Variants in CEP135 observed in about 807,000 individuals in gnomAD.
CEP135 encodes the protein centrosomal protein of 135 kDa.
A neutral mutation model predicts 157.3 loss-of-function variants in CEP135; 142 were observed. That is an observed-to-expected ratio of 0.90 (90% CI 0.79 to 1.04). The LOEUF is 1.04. Among genes scored for constraint, CEP135 ranks in the 50% least tolerant of loss-of-function variants. The pLI is 0.00. For synonymous variants in CEP135, 396 were observed against 439.8 expected (o/e 0.90, Z 1.25); for missense variants, 1,317 against 1,309.2 (o/e 1.01, Z -0.09).
At chr4:56,023,841 CAT>C (rs1389793386) in intron 24 of CEP135, among the ~76,000 whole-genome samples, 18 of 136,866 alleles carry the variant, frequency 1.3e-4, no homozygotes, top group African/African-American at 2.7e-4. Flanking sequence ...CATATATAGA[CAT>C]ATAATATATA....
chr4:56,024,725 A>G, intron 25 of CEP135, 111 bp downstream of exon 25: 1 of 715,454 alleles, frequency 1.4e-6, no homozygotes. Context: ...GTTCAGGAGA[A>G]CTTCCTGGAG....
At chr4:55,987,153 C>A (rs1729615075) in intron 14 of CEP135, among the ~76,000 whole-genome samples, 1 of 152,032 alleles carries the variant, frequency 6.6e-6, no homozygotes, top group Admixed American at 6.6e-5. Context: ...TGAGATAAAA[C>A]CCTTTTGAGT....
At chr4:55,961,101 CAAAAAAA>C (rs59483327) in intron 6 of CEP135, among the ~76,000 whole-genome samples, 1 of 70,000 alleles carries the variant, frequency 1.4e-5, no homozygotes, top group African/African-American at 4.9e-5. Flanking sequence ...GACTCTGTCT[CAAAAAAA>C]AAAAAAAAAA....
At chr4:55,999,443 G>A in intron 16 of CEP135, 26 bp downstream of exon 16, 1 of 1,613,242 alleles carries the variant, frequency 6.2e-7, no homozygotes, top group Non-Finnish European at 8.5e-7. Flanking sequence ...TTTTGTTTCT[G>A]CTAATCCTAA....
intron 24 of CEP135, among the ~76,000 whole-genome samples, chr4:56,022,317 C>G (rs1272668002): frequency 6.6e-6 from 1 of 152,052 alleles, no homozygotes; most frequent in Non-Finnish European, 1.5e-5. Context: ...CTTTACTATC[C>G]ACCTACATCA....
chr4:55,970,054 TA>T (rs1728979546), intron 9 of CEP135, among the ~76,000 whole-genome samples: 1 of 146,986 alleles, frequency 6.8e-6, no homozygotes, highest in Non-Finnish European at 1.5e-5. Context: ...TTTTTTTTAG[TA>T]GAAATGAGGT....
At chr4:56,027,124 T>C (rs917197163) in intron 25 of CEP135, among the ~76,000 whole-genome samples, 3 of 152,212 alleles carry the variant, frequency 2.0e-5, no homozygotes, top group African/African-American at 7.2e-5. Context: ...CACTTCTCAG[T>C]GTTCACTGTA....
In CEP135 at chr4:55,955,342, A is replaced by G. The variant is rs191290342; in HGVS notation, c.472+959A>G. Reference sequence around the variant, plus strand: ...CAGAGTGGAATTTTGGAGTTGAAGAACTAGAAGCCAGCAGAGTTCTGAGTG... The same window carrying G: ...CAGAGTGGAATTTTGGAGTTGAAGAGCTAGAAGCCAGCAGAGTTCTGAGTG... On this transcript the variant is annotated intron_variant, in intron 4 of 25. Coordinates refer to ENST00000257287, the MANE Select transcript of CEP135 (RefSeq NM_025009.5). Among the ~76,000 whole-genome samples, 4 of 152,310 alleles carry G rather than the reference A, an allele frequency of 2.6e-5. No individual in the cohort carries two copies. The East Asian group carries it at 7.7e-4, about 29-fold the overall frequency.
Position 56,019,506 on chromosome 4 carries a change from A to T in CEP135, c.3166A>T (p.Thr1056Ser). 1.2e-6 allele frequency: 2 copies of T among 1,614,048 alleles called. No homozygotes were observed. The highest frequency in any genetic ancestry group is 1.7e-6 in the Non-Finnish European group (2 of 1,180,004). ...HSHLTSHEKD[T>S]EIQLLKEKLT... is the part of the protein sequence containing the mutation. ...TCACTTAACCTCCCACGAGAAGGAT[A>T]CAGAAATCCAGCTACTTAAGGAGAA... Residue 1056 changes from threonine to serine, a missense_variant, in exon 23 of 26, where the codon ACA becomes TCA. Transcript: ENST00000257287.
At chr4:56,011,727 T>C in intron 20 of CEP135, 73 bp from the exon 21 acceptor site, 3 of 1,221,436 alleles carry the variant, frequency 2.5e-6, no homozygotes, top group Non-Finnish European at 3.4e-6. Context: ...TGTATGTGTA[T>C]GTGTTTATGA....
chr4:56,009,964 A>C, intron 19 of CEP135, 61 bp downstream of exon 19: 1 of 1,470,972 alleles, frequency 6.8e-7, no homozygotes, highest in Non-Finnish European at 9.3e-7. Flanking sequence ...CTAAATATTA[A>C]AGCTCTAAAT....
intron 14 of CEP135, among the ~76,000 whole-genome samples, chr4:55,986,894 T>TCATC (rs1432233592): frequency 1.3e-5 from 2 of 152,236 alleles, no homozygotes; most frequent in Non-Finnish European, 2.9e-5. Flanking sequence ...AAGTGTCACC[T>TCATC]CATCATGGAT....
At chr4:55,973,944 C>T (rs1411689959) in intron 10 of CEP135, among the ~76,000 whole-genome samples, 1 of 152,214 alleles carries the variant, frequency 6.6e-6, no homozygotes, top group African/African-American at 2.4e-5. Flanking sequence ...TTCTTTCCCA[C>T]TCTCCTACTT....
chr4:55,951,875 C>A (rs141156821), intron 1 of CEP135, among the ~76,000 whole-genome samples: 50 of 152,252 alleles, frequency 3.3e-4, no homozygotes, highest in Non-Finnish European at 5.3e-4. Context: ...AGGATTTTAA[C>A]TTTTACATTT....
intron 5 of CEP135, among the ~76,000 whole-genome samples, chr4:55,959,419 T>A (rs1388884521): frequency 2.0e-5 from 3 of 152,172 alleles, no homozygotes; most frequent in African/African-American, 7.2e-5. Context: ...TTCCTGGGGA[T>A]CAAAATGCAA....
At chr4:55,999,170 G>A (rs1181286832) in intron 15 of CEP135, 132 bp from the exon 16 acceptor site, 2 of 661,628 alleles carry the variant, frequency 3.0e-6, no homozygotes. Flanking sequence ...GATTATACTG[G>A]AGGAGCTTTA....
At chr4:55,986,608 A>T (rs1729596589) in intron 14 of CEP135, among the ~76,000 whole-genome samples, 1 of 152,074 alleles carries the variant, frequency 6.6e-6, no homozygotes, top group Non-Finnish European at 1.5e-5. Context: ...ATTCTTTATT[A>T]CTCTCTCTGG....
intron 11 of CEP135, among the ~76,000 whole-genome samples, chr4:55,979,192 G>C (rs545738407): frequency 6.6e-6 from 1 of 151,928 alleles, no homozygotes; most frequent in East Asian, 1.9e-4. Flanking sequence ...TTTAGTGCTT[G>C]TAACATTAAG....
At chr4:55,997,643 A>G (rs951031231) in intron 15 of CEP135, among the ~76,000 whole-genome samples, 1 of 152,166 alleles carries the variant, frequency 6.6e-6, no homozygotes, top group Non-Finnish European at 1.5e-5. Context: ...ATGTTAGACT[A>G]GCCTTAATTT....
Sources: allele counts gnomAD v4.1 joint callset (sites outside exome capture counted in the v4.1 genomes callset), GRCh38; gene constraint gnomAD v4.1.1; transcripts MANE v1.5; gene names NCBI Gene and HGNC (gene_info 2026-07-23, HGNC 2026-07-21).